GNB1: variants seen among roughly 807,000 people sequenced by gnomAD.
The protein encoded by GNB1 is G protein subunit beta 1, also known as guanine nucleotide-binding protein G(I)/G(S)/G(T) subunit beta-1.
GNB1 carries 2 observed loss-of-function variants against 42.9 expected under a neutral mutation model. The observed-to-expected ratio is 0.05, with a 90% CI of 0.02 to 0.15. The LOEUF (loss-of-function observed/expected upper bound fraction) is 0.15. GNB1 is among the 10% of genes least tolerant of loss of function. The pLI is 1.00. For synonymous variants in GNB1, 183 were observed against 174.7 expected (o/e 1.05, Z -0.38); for missense variants, 193 against 462.2 (o/e 0.42, Z 5.34).
At chr1:1,857,341 C>G (rs902978209) in intron 1 of GNB1, among the ~76,000 whole-genome samples, 28 of 152,280 alleles carry the variant, frequency 1.8e-4, no homozygotes, top group African/African-American at 6.7e-4. Flanking sequence ...TTCCAGTGTG[C>G]TTTCTCTGCT....
chr1:1,840,726 C>T lies in GNB1; in HGVS notation c.-95-1488G>A, dbSNP rs142897760. ...GACACTTCCAATCCCTCCCTCTGTC[C>T]CTCTCCTGCTGACACGGTCCCATCC... is the stretch of plus-strand genomic sequence containing the variant. On this transcript the variant is annotated intron_variant, in intron 1 of 11. Transcript: ENST00000378609. Among the ~76,000 whole-genome samples, 109 of 152,330 alleles carry T rather than the reference C, an allele frequency of 7.2e-4. 1 individual carries two copies. The highest frequency in any genetic ancestry group is 2.4e-3 in the African/African-American group (101 of 41,578).
intron 7 of GNB1, among the ~76,000 whole-genome samples, chr1:1,795,667 C>T (rs1006442256): frequency 1.3e-5 from 2 of 152,036 alleles, no homozygotes; most frequent in African/African-American, 4.8e-5. Flanking sequence ...GCAGGAGAAT[C>T]GCTTGAACCC....
At chr1:1,873,826 T>C (rs1334923352) in intron 1 of GNB1, among the ~76,000 whole-genome samples, 1 of 151,890 alleles carries the variant, frequency 6.6e-6, no homozygotes, top group Non-Finnish European at 1.5e-5. Context: ...TTAAATAAAC[T>C]TGGCACCGAG....
intron 1 of GNB1, among the ~76,000 whole-genome samples, chr1:1,840,676 G>T (rs1378378144): frequency 6.6e-6 from 1 of 152,248 alleles, no homozygotes; most frequent in Non-Finnish European, 1.5e-5. Context: ...TAACTACTTT[G>T]TGAGTCCTGG....
chr1:1,868,443 T>C (rs542504058), intron 1 of GNB1, among the ~76,000 whole-genome samples: 14 of 152,292 alleles, frequency 9.2e-5, no homozygotes, highest in Middle Eastern at 3.4e-3. Flanking sequence ...GCGCTGGGAT[T>C]ACAAGCATGA....
chr1:1,851,271 G>A (rs185183410), intron 1 of GNB1, among the ~76,000 whole-genome samples: 7 of 152,252 alleles, frequency 4.6e-5, no homozygotes, highest in South Asian at 2.1e-4. Context: ...TTAGCCAGGC[G>A]TGGTGGTGCA....
At chr1:1,867,286 T>C (rs1350142424) in intron 1 of GNB1, among the ~76,000 whole-genome samples, 1 of 152,118 alleles carries the variant, frequency 6.6e-6, no homozygotes, top group Non-Finnish European at 1.5e-5. Flanking sequence ...TAAGAAAGTT[T>C]ACAAATTTGT....
intron 6 of GNB1, 21 bp downstream of exon 6, chr1:1,806,454 A>C: frequency 1.3e-6 from 2 of 1,519,010 alleles, no homozygotes; most frequent in Non-Finnish European, 1.8e-6. Flanking sequence ...TTTTCAAGGA[A>C]GGGAATCCTC....
chr1:1,801,967 G>T (rs1023076333), intron 7 of GNB1, among the ~76,000 whole-genome samples: 2 of 152,150 alleles, frequency 1.3e-5, no homozygotes. Context: ...AGCATTATGA[G>T]TGAGAAAGAA....
chr1:1,803,815 C>G (rs11260612), intron 7 of GNB1, among the ~76,000 whole-genome samples: 1 of 151,868 alleles, frequency 6.6e-6, no homozygotes, highest in South Asian at 2.1e-4. Flanking sequence ...AACCCCGCCT[C>G]TACTAAAAAT....
intron 1 of GNB1, among the ~76,000 whole-genome samples, chr1:1,883,411 C>G (rs1649965775): frequency 6.6e-6 from 1 of 151,966 alleles, no homozygotes; most frequent in African/African-American, 2.4e-5. Flanking sequence ...TGTTCCACAC[C>G]CTGAATTAAT....
At chr1:1,838,067 G>T (rs140390280) in intron 2 of GNB1, among the ~76,000 whole-genome samples, 71 of 152,138 alleles carry the variant, frequency 4.7e-4, no homozygotes, top group African/African-American at 1.7e-3. Flanking sequence ...GCTGGGTGTG[G>T]TGGTGAGCGC....
chr1:1,856,503 C>T (rs546671613), intron 1 of GNB1, among the ~76,000 whole-genome samples: 1 of 152,328 alleles, frequency 6.6e-6, no homozygotes, highest in Admixed American at 6.5e-5. Context: ...TCTCAGCTCA[C>T]TGCAACCTCC....
intron 1 of GNB1, among the ~76,000 whole-genome samples, chr1:1,885,880 AAAGCAAGC>A (rs1650127062): frequency 6.6e-6 from 1 of 151,396 alleles, no homozygotes; most frequent in Non-Finnish European, 1.5e-5. Flanking sequence ...AAAAAAAAAA[AAAGCAAGC>A]AAGCAACATT....
chr1:1,841,920 G>A (rs1163836721), intron 1 of GNB1, among the ~76,000 whole-genome samples: 1 of 152,216 alleles, frequency 6.6e-6, no homozygotes, highest in African/African-American at 2.4e-5. Flanking sequence ...GCAGTACTCA[G>A]CAGCCAGAAG....
intron 5 of GNB1, among the ~76,000 whole-genome samples, chr1:1,809,289 G>A (rs780972491): frequency 4.0e-5 from 6 of 149,084 alleles, no homozygotes; most frequent in African/African-American, 4.9e-5. Flanking sequence ...ATTCTCGTGC[G>A]TCAGCCTTCC....
chr1:1,828,324 GAA>G (rs1276579466), intron 2 of GNB1, among the ~76,000 whole-genome samples: 1 of 152,000 alleles, frequency 6.6e-6, no homozygotes, highest in Non-Finnish European at 1.5e-5. Flanking sequence ...TCTGTCTCGA[GAA>G]AAAAAGAGAT....
At chr1:1,852,656 C>A (rs974591799) in intron 1 of GNB1, among the ~76,000 whole-genome samples, 5 of 151,676 alleles carry the variant, frequency 3.3e-5, no homozygotes, top group African/African-American at 1.2e-4. Context: ...TGTATGTCAG[C>A]CTGGGCAACA....
chr1:1,870,986 C>A (rs986070660), intron 1 of GNB1, among the ~76,000 whole-genome samples: 1 of 152,096 alleles, frequency 6.6e-6, no homozygotes, highest in African/African-American at 2.4e-5. Context: ...CCACATCACC[C>A]TCCAACTACT....
Sources: allele counts gnomAD v4.1 joint callset (sites outside exome capture counted in the v4.1 genomes callset), GRCh38; gene constraint gnomAD v4.1.1; transcripts MANE v1.5; gene names NCBI Gene and HGNC (gene_info 2026-07-23, HGNC 2026-07-21).